EIF2D: variants seen among roughly 807,000 people sequenced by gnomAD.
The protein encoded by EIF2D is eukaryotic translation initiation factor 2D, also known as hepatocellular carcinoma-associated antigen 56.
Under a neutral mutation model 77.4 loss-of-function variants are expected in EIF2D, and 56 were observed. The ratio of observed to expected loss-of-function variants is 0.72; its 90% CI spans 0.58 to 0.90. The LOEUF (loss-of-function observed/expected upper bound fraction) is 0.90, where lower values mean the gene tolerates loss of function less well. Ranked by LOEUF, EIF2D falls within the 40% of genes least tolerant of loss-of-function variation. The pLI, the probability that EIF2D is intolerant of heterozygous loss-of-function variation, is 0.00. For synonymous variants in EIF2D, 230 were observed against 271.0 expected, an observed-to-expected ratio of 0.85 and a Z score of 1.49; for missense variants, 574 against 706.5, an observed-to-expected ratio of 0.81 and a Z score of 2.13.
chr1:206,569,560 C>T (rs1668383685), downstream of EIF2D, among the ~76,000 whole-genome samples: 1 of 152,242 alleles, frequency 6.6e-6, no homozygotes, highest in South Asian at 2.1e-4. Context: ...CAAAGGACAG[C>T]TTTGCAGGGC....
downstream of EIF2D, chr1:206,586,710 T>C (rs1357383434): frequency 2.5e-6 from 2 of 795,850 alleles, no homozygotes; most frequent in Non-Finnish European, 4.1e-6. Context: ...GCAAACTGTG[T>C]GTGAATCACG....
chr1:206,593,798 G>C lies in EIF2D; in HGVS notation c.1510-5C>G, dbSNP rs1553409540. The C allele has an allele frequency of 7.5e-6, 12 of 1,590,592 alleles. No individual in the cohort carries two copies. In the East Asian group the frequency reaches 2.7e-4, roughly 36 times the overall value. ...CAAGTTCCGGACCACGGTCACCTGG[G>C]GGGACAGTGGGGACAGAGACTGACG... On this transcript the variant is annotated splice_region_variant and splice_polypyrimidine_tract_variant and intron_variant, in intron 13 of 14. Coordinates refer to ENST00000271764, the MANE Select transcript of EIF2D (RefSeq NM_006893.3).
At chr1:206,572,735 T>A (rs1553404420) in intron 4 of EIF2D, 1 of 152,218 alleles carries the variant, frequency 6.6e-6, no homozygotes, top group Non-Finnish European at 1.5e-5. Flanking sequence ...AACATTTAGG[T>A]TGAAGAAAGT....
downstream of EIF2D, among the ~76,000 whole-genome samples, chr1:206,589,613 C>T (rs1669278185): frequency 6.6e-6 from 1 of 151,996 alleles, no homozygotes; most frequent in Admixed American, 6.6e-5. Context: ...CTGAGCTGAG[C>T]CATGATTCTT....
At chr1:206,572,915 C>G (rs1202653577) in intron 4 of EIF2D, among the ~76,000 whole-genome samples, 1 of 152,100 alleles carries the variant, frequency 6.6e-6, no homozygotes. Context: ...TATCGGGAAT[C>G]AAGGTCCCAT....
Position 206,584,366 on chromosome 1 carries a change from G to A in EIF2D, c.139-3204C>T, listed in dbSNP as rs781785597. 1.3e-6 allele frequency: 2 copies of A among 1,596,086 alleles called. No individual in the cohort carries two copies. Among genetic ancestry groups the A allele is most frequent in the East Asian group, 4.5e-5 (2 of 44,774 alleles). On this transcript the variant is annotated intron_variant and NMD_transcript_variant, in intron 2 of 5. Transcript: ENST00000472709. The surrounding 1 kb of genome is among the most constrained non-coding windows in gnomAD (Gnocchi z 4.9). ...GCAAGGCGGACGGCCCTGACCCCCT[G>A]TGACATGCCCCCGCTGGCAGAGTGA... is the stretch of plus-strand genomic sequence containing the variant.
chr1:206,585,562 A>G, intron 2 of EIF2D: 1 of 286,354 alleles, frequency 3.5e-6, no homozygotes, highest in Non-Finnish European at 6.7e-6. Context: ...CTGAAAACTC[A>G]GGGAGGAGGG....
In EIF2D at chr1:206,598,535, C is replaced by T. The variant is rs188165081; in HGVS notation, c.1292+468G>A. Among the ~76,000 whole-genome samples the T allele has an allele frequency of 2.3e-3, 355 of 152,094 alleles. 2 individuals are homozygous for T. Among genetic ancestry groups the T allele is most frequent in the African/African-American group, 8.4e-3 (348 of 41,398 alleles). The stretch of plus-strand genomic sequence containing the variant: ...ATGTCAAAATAGCTAGAAAAGAGGA[C>T]TTACAGTGTTCCCGACACATAGAAA... On this transcript the variant is annotated intron_variant, in intron 11 of 14. Coordinates refer to ENST00000271764, the MANE Select transcript of EIF2D (RefSeq NM_006893.3).
downstream of EIF2D, chr1:206,589,472 T>C (rs1669273964): frequency 6.6e-6 from 1 of 152,208 alleles, no homozygotes; most frequent in African/African-American, 2.4e-5. Flanking sequence ...GGGCGCTGCC[T>C]GGGTGACCAG....
chr1:206,587,171 T>C (rs1346791746), downstream of EIF2D: 1 of 619,002 alleles, frequency 1.6e-6, no homozygotes. Context: ...GCCCCCAGGC[T>C]GTGCCCCACC....
intron 11 of EIF2D, 51 bp from the exon 12 acceptor site, chr1:206,597,246 C>T: frequency 1.4e-6 from 2 of 1,387,538 alleles, no homozygotes; most frequent in Non-Finnish European, 2.0e-6. Context: ...TCCCTTCTGA[C>T]CTGAAGGCTA....
In EIF2D at chr1:206,595,808, T is replaced by G. The variant is rs782113928; in HGVS notation, c.1419A>C (p.Gln473His). The part of the protein sequence containing the change: ...RCLEKLQPAY[Q>H]VTLPGQEPIV... ...TGGGCTCTTGTCCGGGAAGGGTCAC[T>G]TGATAGGCAGGCTGTAATTTTTCCA... Residue 473 changes from glutamine (Q) to histidine (H), a missense_variant, in exon 13 of 15, where the codon CAA becomes CAC. Coordinates refer to ENST00000271764, the MANE Select transcript of EIF2D (RefSeq NM_006893.3). 1.2e-6 allele frequency: 2 copies of G among 1,614,202 alleles called. No individual in the cohort carries two copies. Among genetic ancestry groups the G allele is most frequent in the Non-Finnish European group, 1.7e-6 (2 of 1,180,004 alleles).
chr1:206,602,519 AC>A lies in EIF2D; in HGVS notation c.785-67del, dbSNP rs1485171422. ...ACAGAACACCTGGTACAAGAAAACG[AC>A]CCCCAGCTTCATCCCTACCTCACCC... On this transcript the variant is annotated intron_variant, in intron 6 of 14. Transcript: ENST00000271764. 4 of 1,407,338 alleles carry A rather than the reference AC, an allele frequency of 2.8e-6. No individual in the cohort carries two copies. In the East Asian group the frequency reaches 6.9e-5, roughly 24 times the overall value. The allele number at this position is 1,407,338 out of a possible 1,614,324, so 87.2% of individuals were successfully genotyped here.
At chr1:206,571,938 C>T (rs1014652323) in intron 5 of EIF2D, among the ~76,000 whole-genome samples, 7 of 152,180 alleles carry the variant, frequency 4.6e-5, no homozygotes, top group Non-Finnish European at 8.8e-5. Context: ...GTGTCACCCT[C>T]TTCTGTCTGG....
intron 14 of EIF2D, 113 bp downstream of exon 14, chr1:206,593,506 A>AGTGTGT (rs1286437460): frequency 5.9e-5 from 26 of 442,788 alleles, no homozygotes; most frequent in Middle Eastern, 6.2e-4. Flanking sequence ...AGAGAGAGAG[A>AGTGTGT]GAGTGTGTGT....
chr1:206,570,051 G>C (rs986573593), downstream of EIF2D, among the ~76,000 whole-genome samples: 1 of 146,316 alleles, frequency 6.8e-6, no homozygotes, highest in Non-Finnish European at 1.5e-5. Flanking sequence ...TTTTATTGTG[G>C]TAAAATACAC....
In EIF2D at chr1:206,579,239, A is replaced by G. The variant is rs1668774974; in HGVS notation, c.*254+1453T>C. Among the ~76,000 whole-genome samples, 1 of 152,230 alleles carries G rather than the reference A, an allele frequency of 6.6e-6. No homozygotes were observed. Among genetic ancestry groups the G allele is most frequent in the South Asian group, 2.1e-4 (1 of 4,834 alleles). Reference sequence around the variant, plus strand: ...AATGCCAGGGGCTTAATCGGAATAGATGAATTCCATGCCAGATGCACTGAG... The same window carrying G: ...AATGCCAGGGGCTTAATCGGAATAGGTGAATTCCATGCCAGATGCACTGAG... On this transcript the variant is annotated intron_variant and NMD_transcript_variant, in intron 4 of 5. Coordinates refer to the EIF2D transcript ENST00000472709. The surrounding 1 kb of genome is among the most constrained non-coding windows in gnomAD (Gnocchi z 4.2).
downstream of EIF2D, chr1:206,589,329 G>A (rs556372314): frequency 9.8e-5 from 15 of 152,878 alleles, no homozygotes; most frequent in African/African-American, 2.6e-4. Context: ...CACTGGGAGC[G>A]GGGGAGAGAG....
intron 2 of EIF2D, chr1:206,585,251 G>A (rs782753442): frequency 6.2e-7 from 1 of 1,614,190 alleles, no homozygotes; most frequent in Non-Finnish European, 8.5e-7. Context: ...TGACACGGAG[G>A]TCCTCAGCTT....
Sources: gnomAD v4.1 joint callset for allele counts (sites outside exome capture counted in the v4.1 genomes callset) on GRCh38, gnomAD v4.1.1 for gene constraint, Gnocchi (gnomAD v3.1) non-coding constraint, MANE v1.5 for transcripts, NCBI Gene and HGNC (gene_info 2026-07-23, HGNC 2026-07-21) for gene names.